The following ARMH3 variants were observed in gnomAD, a reference collection of about 807,000 sequenced individuals.
ARMH3 encodes the protein armadillo-like helical domain-containing protein 3.
In ARMH3, 60 loss-of-function variants were observed where a neutral mutation model predicts 99.1. The ratio of observed to expected loss-of-function variants is 0.61; its 90% CI spans 0.49 to 0.75. The LOEUF is 0.75. Among genes scored for constraint, ARMH3 ranks in the 30% least tolerant of loss-of-function variants. The pLI, the probability that ARMH3 is intolerant of heterozygous loss-of-function variation, is 0.00. For missense variants in ARMH3, 679 were observed against 843.1 expected (o/e 0.81, Z 2.41); for synonymous variants, 285 against 292.8 (o/e 0.97, Z 0.27).
At chr10:101,943,304 G>A (rs1177848860) in intron 22 of ARMH3, among the ~76,000 whole-genome samples, 1 of 152,212 alleles carries the variant, frequency 6.6e-6, no homozygotes, top group Non-Finnish European at 1.5e-5. Context: ...CTAGAAAGGA[G>A]AAGAAACTGA....
intron 8 of ARMH3, among the ~76,000 whole-genome samples, chr10:102,021,809 G>T (rs2066892218): frequency 6.6e-6 from 1 of 152,092 alleles, no homozygotes; most frequent in Admixed American, 6.5e-5. Flanking sequence ...GCCTCCCAAA[G>T]TGCTGGGATT....
At chr10:102,044,007 C>A (rs1232933367) in intron 1 of ARMH3, among the ~76,000 whole-genome samples, 1 of 152,082 alleles carries the variant, frequency 6.6e-6, no homozygotes, top group African/African-American at 2.4e-5. Context: ...ACCTCCGCCT[C>A]CTGGGTTTAA....
intron 1 of ARMH3, among the ~76,000 whole-genome samples, chr10:102,043,586 G>C (rs888414982): frequency 3.3e-5 from 5 of 152,132 alleles, no homozygotes; most frequent in African/African-American, 1.2e-4. Flanking sequence ...TAATAAAGGA[G>C]AGAAAGAAAC....
intron 24 of ARMH3, among the ~76,000 whole-genome samples, chr10:101,871,148 C>G (rs2067122594): frequency 6.6e-6 from 1 of 151,906 alleles, no homozygotes; most frequent in South Asian, 2.1e-4. Flanking sequence ...AGGCATAAAA[C>G]AAGTACACTA....
At chr10:101,965,483 A>T (rs138211436) in intron 20 of ARMH3, among the ~76,000 whole-genome samples, 2 of 152,330 alleles carry the variant, frequency 1.3e-5, no homozygotes, top group African/African-American at 4.8e-5. Flanking sequence ...CAATCTTCAA[A>T]ATAATCACCA....
At chr10:101,945,347 C>T (rs1244697091) in intron 22 of ARMH3, among the ~76,000 whole-genome samples, 1 of 152,064 alleles carries the variant, frequency 6.6e-6, no homozygotes, top group Non-Finnish European at 1.5e-5. Context: ...TCTGGGAGGT[C>T]AAGGAGGGTA....
chr10:102,037,035 G>C (rs948471214), intron 2 of ARMH3, among the ~76,000 whole-genome samples: 2 of 151,768 alleles, frequency 1.3e-5, no homozygotes, highest in African/African-American at 4.8e-5. Flanking sequence ...TTGGGCGACA[G>C]AGCAAGACAC....
intron 19 of ARMH3, among the ~76,000 whole-genome samples, chr10:101,976,435 C>T (rs919498211): frequency 6.0e-5 from 9 of 150,354 alleles, no homozygotes; most frequent in Admixed American, 1.3e-4. Context: ...CACGCAATCA[C>T]ATACTGCTTG....
rs556777608 is a variant in ARMH3, at chr10:101,939,645, A to T, written c.1781+218T>A. Among the ~76,000 whole-genome samples the T allele has an allele frequency of 5.3e-5, 8 of 152,334 alleles. No individual in the cohort carries two copies. In the East Asian group the frequency reaches 1.3e-3, roughly 26 times the overall value. On this transcript the variant is annotated intron_variant, in intron 23 of 25. Coordinates refer to ENST00000370033, the MANE Select transcript of ARMH3 (RefSeq NM_024541.3). ...CTTATAACCATCTCTCAGTAAAAAA[A>T]TTCACAGAACAGCCAGCACTTTGAG... is the stretch of plus-strand genomic sequence containing the variant.
In ARMH3 at chr10:101,889,814, G is replaced by T. The variant is rs553329728; in HGVS notation, c.1782-324C>A. The T allele has an allele frequency of 4.5e-5, 11 of 245,096 alleles. No individual in the cohort carries two copies. The East Asian group carries it at 5.7e-4, about 13-fold the overall frequency. 15.2% of individuals were successfully genotyped at this position (245,096 alleles called of 1,614,324 possible). ...AACCCAGAGGGCTGTCCACTAGGGG[G>T]CCCTGGTGCTTCAATCAGAAAGAAA... On this transcript the variant is annotated intron_variant, in intron 23 of 25. Transcript: ENST00000370033.
chr10:102,011,994 T>C (rs2066639882), intron 10 of ARMH3, among the ~76,000 whole-genome samples: 1 of 152,140 alleles, frequency 6.6e-6, no homozygotes, highest in Non-Finnish European at 1.5e-5. Flanking sequence ...CCTGGCTACT[T>C]TGGGAGAGAC....
intron 16 of ARMH3, among the ~76,000 whole-genome samples, chr10:101,994,775 G>A (rs1352881385): frequency 6.6e-6 from 1 of 152,042 alleles, no homozygotes; most frequent in Non-Finnish European, 1.5e-5. Context: ...GGTGGCTCAC[G>A]CCTGTAATCC....
chr10:101,933,747 A>G (rs1564766825), intron 23 of ARMH3, among the ~76,000 whole-genome samples: 1 of 152,250 alleles, frequency 6.6e-6, no homozygotes, highest in Non-Finnish European at 1.5e-5. Context: ...AGTGAAGATA[A>G]TATGAGCCTA....
chr10:101,859,800 G>A (rs1261994770), intron 24 of ARMH3, among the ~76,000 whole-genome samples: 1 of 152,176 alleles, frequency 6.6e-6, no homozygotes, highest in Non-Finnish European at 1.5e-5. Context: ...CAGACAACAA[G>A]GAAAACAATT....
chr10:102,013,414 T>A (rs1044941072), intron 9 of ARMH3, among the ~76,000 whole-genome samples: 1 of 152,162 alleles, frequency 6.6e-6, no homozygotes, highest in Non-Finnish European at 1.5e-5. Flanking sequence ...GAATCACGTG[T>A]GCATTTTTTC....
chr10:102,039,950 T>C (rs966471601), intron 2 of ARMH3, 63 bp downstream of exon 2: 28 of 1,448,142 alleles, frequency 1.9e-5, no homozygotes, highest in Admixed American at 3.4e-5. Flanking sequence ...GGTAAGGGTA[T>C]TTCTCATCTT....
intron 2 of ARMH3, among the ~76,000 whole-genome samples, chr10:102,034,348 G>A (rs1157487065): frequency 6.6e-6 from 1 of 151,916 alleles, no homozygotes; most frequent in Non-Finnish European, 1.5e-5. Flanking sequence ...AAGAAAAAGA[G>A]AACCCCGGCC....
At position 102,033,319 on chromosome 10, in the gene ARMH3, G is replaced by A; in HGVS notation, c.123C>T (p.Cys41=). ...EIFMTEDPSK[C]SPRFWEELFL... ...AGAGCTCCTCCCAAAACCGAGGACT[G>A]CACTTACTGGGGTCCTCTGTCTGAA... Residue 41 remains cysteine, a synonymous_variant, in exon 3 of 26, where the codon TGC becomes TGT. Transcript: ENST00000370033. 1 of 1,614,104 alleles carries A rather than the reference G, an allele frequency of 6.2e-7. No homozygotes were observed. The highest frequency in any genetic ancestry group is 8.5e-7 in the Non-Finnish European group (1 of 1,180,004).
intron 23 of ARMH3, among the ~76,000 whole-genome samples, chr10:101,931,926 TA>T (rs1843739827): frequency 6.6e-6 from 1 of 152,142 alleles, no homozygotes; most frequent in Admixed American, 6.5e-5. Flanking sequence ...TCATCAAAAT[TA>T]AAAACTTGTG....
Sources: allele counts gnomAD v4.1 joint callset (sites outside exome capture counted in the v4.1 genomes callset), GRCh38; gene constraint gnomAD v4.1.1; transcripts MANE v1.5; gene names NCBI Gene and HGNC (gene_info 2026-07-23, HGNC 2026-07-21).